FSIP2: variants seen among roughly 807,000 people sequenced by gnomAD.
FSIP2 encodes fibrous sheath interacting protein 2.
A neutral mutation model predicts 510.5 loss-of-function variants in FSIP2; 367 were observed. That is an observed-to-expected ratio of 0.72 (90% CI 0.66 to 0.78). The LOEUF is 0.78. FSIP2 is among the 30% of genes least tolerant of loss of function. The pLI is 0.00. For synonymous variants in FSIP2, 2,601 were observed against 2,732.2 expected, an observed-to-expected ratio of 0.95 and a Z score of 1.50; for missense variants, 7,594 against 7,901.7, an observed-to-expected ratio of 0.96 and a Z score of 1.48.
At chr2:185,760,861 A>G in intron 9 of FSIP2, 127 bp from the exon 10 acceptor site, 1 of 499,184 alleles carries the variant, frequency 2.0e-6, no homozygotes. Flanking sequence ...ATGGTTTCAC[A>G]GTTGGATACA....
At chr2:185,745,306 A>C (rs73043200) in intron 4 of FSIP2, 123 bp from the exon 5 acceptor site, 8,774 of 549,792 alleles carry the variant, frequency 0.016, 645 homozygotes, top group African/African-American at 0.16. Context: ...TAATGGATTC[A>C]AAATAGATGT....
Position 185,792,754 on chromosome 2 carries a change from C to A in FSIP2, c.5618C>A (p.Thr1873Asn), listed in dbSNP as rs1287630064. The A allele has an allele frequency of 6.5e-7, 1 of 1,534,146 alleles. No individual in the cohort carries two copies. The highest frequency in any genetic ancestry group is 1.2e-5 in the South Asian group (1 of 84,004). ...NVRENRYKTI[T>N]FSANVSSHEH... The stretch of plus-strand genomic sequence containing the variant: ...AGGGAAAATAGGTATAAAACTATCA[C>A]TTTTTCAGCAAATGTTTCTTCTCAT... Residue 1873 changes from threonine to asparagine, a missense_variant, in exon 16 of 23, where the codon ACT becomes AAT. Transcript: ENST00000424728.
At position 185,792,086 on chromosome 2, in the gene FSIP2, T is replaced by C; in HGVS notation, c.4950T>C (p.Ile1650=). The C allele has an allele frequency of 6.5e-7, 1 of 1,534,058 alleles. No individual in the cohort carries two copies. The highest frequency in any genetic ancestry group is 1.2e-5 in the South Asian group (1 of 84,016). Residue 1650 remains isoleucine, a synonymous_variant, in exon 16 of 23, where the codon ATT becomes ATC. Transcript: ENST00000424728. ...ATGCAAAGAAGGTATCAAGTGCTAT[T>C]TTGAAGGTTATTCAAACAGAATTAA... The part of the protein sequence containing the change: ...YMHAKKVSSA[I]LKVIQTELNV...
intron 9 of FSIP2, among the ~76,000 whole-genome samples, chr2:185,759,678 T>C (rs1296393705): frequency 6.8e-6 from 1 of 146,838 alleles, no homozygotes. Flanking sequence ...ACATAATATT[T>C]ATTATTTGTT....
intron 4 of FSIP2, 124 bp from the exon 5 acceptor site, chr2:185,745,305 C>A: frequency 1.8e-6 from 1 of 543,012 alleles, no homozygotes; most frequent in Admixed American, 4.1e-5. Flanking sequence ...TTAATGGATT[C>A]AAAATAGATG....
At chr2:185,761,283 C>A (rs1692345736) in intron 10 of FSIP2, among the ~76,000 whole-genome samples, 180 bp downstream of exon 10, 1 of 151,170 alleles carries the variant, frequency 6.6e-6, no homozygotes, top group Admixed American at 6.6e-5. Context: ...TTGTGCTAAA[C>A]ACACTACGGA....
At chr2:185,767,310 A>C (rs1470913707) in intron 13 of FSIP2, among the ~76,000 whole-genome samples, 1 of 151,710 alleles carries the variant, frequency 6.6e-6, no homozygotes, top group Non-Finnish European at 1.5e-5. Context: ...CTAAAACTTA[A>C]AGTATAATAA....
At chr2:185,762,606 T>G (rs531725759) in intron 11 of FSIP2, among the ~76,000 whole-genome samples, 7 of 151,630 alleles carry the variant, frequency 4.6e-5, no homozygotes, top group Non-Finnish European at 8.9e-5. Context: ...CTAAGTTGCC[T>G]TGGACTCTTC....
chr2:185,739,251 C>A (rs1388676824), intron 1 of FSIP2, 95 bp from the exon 2 acceptor site: 2 of 1,313,546 alleles, frequency 1.5e-6, no homozygotes, highest in Non-Finnish European at 1.0e-6. Context: ...TTGTATAATT[C>A]TTCGGAGTCT....
At chr2:185,799,420 T>G (rs148977232) in intron 16 of FSIP2, among the ~76,000 whole-genome samples, 7 of 151,930 alleles carry the variant, frequency 4.6e-5, no homozygotes, top group African/African-American at 1.7e-4. Flanking sequence ...TCCAGCTTCT[T>G]AAGAGTTCAT....
intron 17 of FSIP2, among the ~76,000 whole-genome samples, chr2:185,809,478 A>G (rs1035883263): frequency 2.0e-5 from 3 of 152,080 alleles, no homozygotes; most frequent in Non-Finnish European, 4.4e-5. Context: ...GCAAACTTGT[A>G]TAGTTCCTTA....
At chr2:185,767,458 A>G (rs1337838806) in intron 13 of FSIP2, among the ~76,000 whole-genome samples, 4 of 152,134 alleles carry the variant, frequency 2.6e-5, no homozygotes, top group Non-Finnish European at 5.9e-5. Flanking sequence ...CCTCCTCCCC[A>G]TAACTCCTGG....
intron 2 of FSIP2, 94 bp from the exon 3 acceptor site, chr2:185,743,039 A>C (rs1440901459): frequency 2.1e-6 from 2 of 945,244 alleles, no homozygotes; most frequent in African/African-American, 3.4e-5. Flanking sequence ...TTCTTTTGGC[A>C]CATTTTATTT....
rs758433744 is a variant in FSIP2, at chr2:185,805,812, C to T, written c.16506C>T (p.Gly5502=). 22 of 1,601,902 alleles carry T rather than the reference C, an allele frequency of 1.4e-5. No individual in the cohort carries two copies. The African/African-American group carries it at 1.8e-4, about 13-fold the overall frequency. ...CTATAAATGCAATTATGAAAAGCGGCATGATTAACCTAACATCAGGGTTGG... is the reference window on the plus strand; with the variant it reads ...CTATAAATGCAATTATGAAAAGCGGTATGATTAACCTAACATCAGGGTTGG... ...LSSINAIMKS[G]MINLTSGLAT... is the part of the protein sequence containing the mutation. Residue 5502 remains glycine, a synonymous_variant, in exon 17 of 23, where the codon GGC becomes GGT. Transcript: ENST00000424728.
At chr2:185,777,650 G>C (rs1363573204) in intron 13 of FSIP2, among the ~76,000 whole-genome samples, 1 of 151,986 alleles carries the variant, frequency 6.6e-6, no homozygotes, top group Non-Finnish European at 1.5e-5. Context: ...TTATGTATCT[G>C]TTAAGGCTAT....
In FSIP2 at chr2:185,790,922, G is replaced by T; in HGVS notation, c.3786G>T (p.Lys1262Asn). The change falls in exon 16 of 23, where the codon AAG (lysine) becomes AAT (asparagine). Residue 1262 changes from lysine to asparagine, a missense_variant. Coordinates refer to ENST00000424728, the MANE Select transcript of FSIP2 (RefSeq NM_173651.4). ...AACCTGTAGATGACATTAATGATAAGATCATTCGTACAATTTTTAAAAGAC... is the reference window on the plus strand; with the variant it reads ...AACCTGTAGATGACATTAATGATAATATCATTCGTACAATTTTTAAAAGAC... ...EPKPVDDIND[K>N]IIRTIFKRLK... 1 of 1,525,256 alleles carries T rather than the reference G, an allele frequency of 6.6e-7. No individual in the cohort carries two copies. Among genetic ancestry groups the T allele is most frequent in the Non-Finnish European group, 8.7e-7 (1 of 1,142,922 alleles). The allele number at this position is 1,525,256 out of a possible 1,614,324, so 94.5% of individuals were successfully genotyped here.
In FSIP2 at chr2:185,804,922, G is replaced by C; in HGVS notation, c.15616G>C (p.Ala5206Pro). The change falls in exon 17 of 23, where the codon GCT (alanine) becomes CCT (proline). Residue 5206 changes from alanine (A) to proline (P), a missense_variant. Physicochemically the swap from Ala to Pro is conservative, Grantham distance 27. Transcript: ENST00000424728. Reference protein sequence around the residue: ...NNILKTSEFQAEVQKDADKKG... With the variant: ...NNILKTSEFQPEVQKDADKKG... ...TATTTTGAAAACATCTGAATTCCAA[G>C]CTGAAGTACAAAAAGATGCAGACAA... 6.6e-7 allele frequency: 1 copy of C among 1,524,846 alleles called. No individual in the cohort carries two copies. Among genetic ancestry groups the C allele is most frequent in the Non-Finnish European group, 8.7e-7 (1 of 1,142,908 alleles). 94.5% of individuals were successfully genotyped at this position (1,524,846 alleles called of 1,614,324 possible). A position where few individuals can be genotyped will look rare whatever the true frequency, so the allele number is the denominator to read the frequency against.
intron 19 of FSIP2, among the ~76,000 whole-genome samples, chr2:185,817,812 T>C (rs1406441586): frequency 6.6e-6 from 1 of 151,932 alleles, no homozygotes; most frequent in Non-Finnish European, 1.5e-5. Context: ...TGTTCAAGAA[T>C]TGTAGGTAGA....
chr2:185,816,971 GA>G (rs143436937), intron 19 of FSIP2, among the ~76,000 whole-genome samples: 4 of 101,278 alleles, frequency 3.9e-5, no homozygotes, highest in South Asian at 4.2e-4. Flanking sequence ...AAGAAGGAAA[GA>G]AAAAAAGAAA....
Sources: allele counts gnomAD v4.1 joint callset (sites outside exome capture counted in the v4.1 genomes callset), GRCh38; gene constraint gnomAD v4.1.1; transcripts MANE v1.5; gene names NCBI Gene and HGNC (gene_info 2026-07-23, HGNC 2026-07-21).